Variants in HS1BP3 observed in about 807,000 individuals in gnomAD.
HS1BP3 encodes the protein HCLS1 binding protein 3, also known as HCLS1-binding protein 3.
A neutral mutation model predicts 33.5 loss-of-function variants in HS1BP3; 32 were observed. The observed-to-expected ratio is 0.95, with a 90% confidence interval of 0.72 to 1.28. The LOEUF (loss-of-function observed/expected upper bound fraction) is 1.28, where lower values mean the gene tolerates loss of function less well. HS1BP3 is among the 50% of genes most tolerant of loss of function. HS1BP3 has a pLI of 0.00. For synonymous variants in HS1BP3, 187 were observed against 209.2 expected (o/e 0.89, Z 0.92); for missense variants, 486 against 502.3 (o/e 0.97, Z 0.31).
downstream of HS1BP3, among the ~76,000 whole-genome samples, chr2:20,616,582 G>A (rs1368664519): frequency 6.6e-6 from 1 of 152,206 alleles, no homozygotes; most frequent in East Asian, 1.9e-4. Flanking sequence ...CATGGGTCTT[G>A]GCTGTGCAGT....
chr2:20,637,038 C>CCCCCG (rs1695158849), intron 4 of HS1BP3: 1 of 141,338 alleles, frequency 7.1e-6, no homozygotes, highest in Non-Finnish European at 1.5e-5. Context: ...GCCCCCGCCC[C>CCCCCG]CCCCGCCCCG....
intron 2 of HS1BP3, among the ~76,000 whole-genome samples, chr2:20,643,532 A>G (rs995228205): frequency 2.5e-4 from 38 of 152,220 alleles, no homozygotes; most frequent in African/African-American, 8.7e-4. Flanking sequence ...CCCTGACATC[A>G]CACGTTGCTT....
intron 5 of HS1BP3, among the ~76,000 whole-genome samples, chr2:20,585,232 C>T (rs1372027780): frequency 6.6e-6 from 1 of 152,154 alleles, no homozygotes; most frequent in African/African-American, 2.4e-5. Flanking sequence ...GTGGAGAGAG[C>T]TCACAAGCAC....
intron 3 of HS1BP3, 152 bp downstream of exon 3, chr2:20,640,821 C>T: frequency 1.4e-6 from 1 of 728,600 alleles, no homozygotes; most frequent in African/African-American, 1.8e-5. Flanking sequence ...ACCATCCAGC[C>T]AAGGATGTCA....
downstream of HS1BP3, among the ~76,000 whole-genome samples, chr2:20,616,325 C>T (rs187185967): frequency 6.6e-6 from 1 of 152,296 alleles, no homozygotes; most frequent in East Asian, 1.9e-4. Flanking sequence ...TCCCTGAGAA[C>T]CTGTTTCTAG....
At chr2:20,565,404 G>A (rs2149270621) in intron 5 of HS1BP3, among the ~76,000 whole-genome samples, 1 of 152,252 alleles carries the variant, frequency 6.6e-6, no homozygotes, top group Non-Finnish European at 1.5e-5. Context: ...ACAGCCTAGG[G>A]ACCACTCTGA....
At chr2:20,643,792 G>C (rs533752574) in intron 2 of HS1BP3, among the ~76,000 whole-genome samples, 10 of 152,216 alleles carry the variant, frequency 6.6e-5, no homozygotes, top group African/African-American at 2.2e-4. Context: ...AAAAAGCTGG[G>C]CATGGTGGTG....
At chr2:20,630,202 C>T (rs13396891) in intron 4 of HS1BP3, among the ~76,000 whole-genome samples, 7,211 of 152,302 alleles carry the variant, frequency 0.047, 578 homozygotes, top group African/African-American at 0.16. Context: ...AAACTGCGTG[C>T]TTTAAACTAA....
downstream of HS1BP3, chr2:20,592,312 G>A (rs1489564823): frequency 1.9e-5 from 3 of 161,650 alleles, no homozygotes; most frequent in African/African-American, 4.8e-5. Context: ...GGGATTCCCT[G>A]TCTGGCCATC....
At chr2:20,593,418 G>A (rs1050600112) in intron 3 of HS1BP3, among the ~76,000 whole-genome samples, 6 of 152,240 alleles carry the variant, frequency 3.9e-5, no homozygotes, top group African/African-American at 1.2e-4. Context: ...CTAGAACAAC[G>A]CTTGACACTA....
chr2:20,602,869 T>C lies in HS1BP3; in HGVS notation c.179-4604A>G, dbSNP rs556577299. ...ATCGGGAATACATAAGAAGCTCTTTTCGAAAACTCAATAATAAAAAGACAA... is the reference window on the plus strand; with the variant it reads ...ATCGGGAATACATAAGAAGCTCTTTCCGAAAACTCAATAATAAAAAGACAA... On this transcript the variant is annotated intron_variant, in intron 2 of 3. Transcript: ENST00000415264. Among the ~76,000 whole-genome samples, 3 of 152,308 alleles carry C rather than the reference T, an allele frequency of 2.0e-5. No homozygotes were observed. The East Asian group carries it at 5.8e-4, about 29-fold the overall frequency.
chr2:20,555,653 C>T (rs1230211066), downstream of HS1BP3, among the ~76,000 whole-genome samples: 4 of 152,034 alleles, frequency 2.6e-5, no homozygotes, highest in East Asian at 7.7e-4. Context: ...GCTCCCCACC[C>T]CCCTGCCTCT....
At chr2:20,559,561 G>A (rs965385394), downstream of HS1BP3, among the ~76,000 whole-genome samples, 1 of 151,688 alleles carries the variant, frequency 6.6e-6, no homozygotes, top group African/African-American at 2.4e-5. Flanking sequence ...TGGATGAATG[G>A]AGGTGGATGG....
chr2:20,560,088 G>C (rs1692953291), downstream of HS1BP3, among the ~76,000 whole-genome samples: 1 of 152,162 alleles, frequency 6.6e-6, no homozygotes, highest in South Asian at 2.1e-4. Flanking sequence ...AGCAGGGCTG[G>C]GGAGGCACAG....
At chr2:20,612,717 G>A (rs569259438) in intron 2 of HS1BP3, among the ~76,000 whole-genome samples, 2 of 152,236 alleles carry the variant, frequency 1.3e-5, no homozygotes, top group South Asian at 4.1e-4. Flanking sequence ...CACCAGCCGA[G>A]AGGCTTTTCC....
At chr2:20,616,908 G>A (rs1336833081), downstream of HS1BP3, among the ~76,000 whole-genome samples, 1 of 152,200 alleles carries the variant, frequency 6.6e-6, no homozygotes, top group Non-Finnish European at 1.5e-5. Context: ...TGTGGGTGAA[G>A]AACAAGCCAC....
downstream of HS1BP3, chr2:20,591,129 T>G (rs935506023): frequency 1.2e-5 from 2 of 167,158 alleles, no homozygotes; most frequent in Non-Finnish European, 2.9e-5. Flanking sequence ...CAGGCCCTGA[T>G]AGCTTACAGC....
intron 5 of HS1BP3, among the ~76,000 whole-genome samples, chr2:20,562,898 A>G (rs1417061810): frequency 6.6e-6 from 1 of 152,070 alleles, no homozygotes; most frequent in East Asian, 1.9e-4. Flanking sequence ...CCTAATACCT[A>G]TCCACTCCCA....
intron 2 of HS1BP3, among the ~76,000 whole-genome samples, chr2:20,644,543 T>C (rs900114353): frequency 6.6e-6 from 1 of 152,170 alleles, no homozygotes; most frequent in Non-Finnish European, 1.5e-5. Flanking sequence ...TCCTCCATCA[T>C]ATTCTTTATT....
Sources: gnomAD v4.1 joint callset for allele counts (sites outside exome capture counted in the v4.1 genomes callset) on GRCh38, gnomAD v4.1.1 for gene constraint, MANE v1.5 for transcripts, NCBI Gene and HGNC (gene_info 2026-07-23, HGNC 2026-07-21) for gene names.